Variants in TUBB observed in about 807,000 individuals in gnomAD.
TUBB encodes the protein tubulin beta chain.
Under a neutral mutation model 35.1 loss-of-function variants are expected in TUBB, and 2 were observed. That is an observed-to-expected ratio of 0.06 (90% CI 0.02 to 0.18). The LOEUF (loss-of-function observed/expected upper bound fraction) is 0.18. Ranked by LOEUF, TUBB falls within the 10% of genes least tolerant of loss-of-function variation. TUBB has a pLI of 1.00. For missense variants in TUBB, 50 were observed against 599.4 expected (o/e 0.08, Z 9.57); for synonymous variants, 205 against 223.8 (o/e 0.92, Z 0.75).
chr6:30,721,567 C>T, intron 1 of TUBB: 2 of 985,306 alleles, frequency 2.0e-6, no homozygotes, highest in Non-Finnish European at 2.4e-6. Flanking sequence ...GTCGGCGGCT[C>T]GACCTGCGCG....
rs113155531 is a variant in TUBB at position 30,720,412 on chromosome 6, C to A, written c.-95C>A. ...GCTGCTCCAGCCTCTGGGGCGCATT[C>A]CAACCTTCCAGCCTGCGACCTGCGG... is the stretch of plus-strand genomic sequence containing the variant. On this transcript the variant is annotated 5_prime_UTR_variant, in exon 1 of 4. Transcript: ENST00000327892. 1.9e-5 allele frequency: 24 copies of A among 1,285,096 alleles called. No homozygotes were observed. In the Admixed American group the frequency reaches 3.0e-4, roughly 16 times the overall value. 79.6% of individuals were successfully genotyped at this position (1,285,096 alleles called of 1,614,324 possible).
At chr6:30,723,226 C>T in intron 3 of TUBB, 114 bp from the exon 4 acceptor site, 2 of 1,012,070 alleles carry the variant, frequency 2.0e-6, no homozygotes, top group Non-Finnish European at 1.4e-6. Context: ...GAATATATCA[C>T]AGTGAAGGAG....
chr6:30,723,569 G>A lies in TUBB; in HGVS notation c.507G>A (p.Val169=), dbSNP rs766850052. 6.2e-7 allele frequency: 1 copy of A among 1,614,132 alleles called. No homozygotes were observed. The highest frequency in any genetic ancestry group is 2.2e-5 in the East Asian group (1 of 44,902). Residue 169 remains valine (V), a synonymous_variant, in exon 4 of 4, where the codon GTG becomes GTA. Transcript: ENST00000327892. The part of the protein sequence containing the change: ...YPDRIMNTFS[V]VPSPKVSDTV... ...ATCGCATCATGAATACCTTCAGTGT[G>A]GTGCCTTCACCCAAAGTGTCTGACA...
rs1061142 is a variant in TUBB at position 30,724,442 on chromosome 6, C to T, written c.*45C>T. On this transcript the variant is annotated 3_prime_UTR_variant, in exon 4 of 4. Transcript: ENST00000327892. The surrounding 1 kb of genome is among the most constrained non-coding windows in gnomAD (Gnocchi z 4.4). ...CAGGCTTCTCAGTTCCCTTAGCCGT[C>T]TTACTCAACTGCCCCTTTCCTCTCC... is the stretch of plus-strand genomic sequence containing the variant. 15 of 1,519,880 alleles carry T rather than the reference C, an allele frequency of 9.9e-6. No individual in the cohort carries two copies. Among genetic ancestry groups the T allele is most frequent in the Non-Finnish European group, 1.2e-5 (13 of 1,124,108 alleles). 94.1% of individuals were successfully genotyped at this position (1,519,880 alleles called of 1,614,324 possible). A position where few individuals can be genotyped will look rare whatever the true frequency, so the allele number is the denominator to read the frequency against.
In TUBB at chr6:30,720,396, G is replaced by T; in HGVS notation, c.-111G>T. On this transcript the variant is annotated 5_prime_UTR_variant, in exon 1 of 4. Transcript: ENST00000327892. ...GTCGCGTTTGCACCTCGCTGCTCCA[G>T]CCTCTGGGGCGCATTCCAACCTTCC... 4 of 1,047,990 alleles carry T rather than the reference G, an allele frequency of 3.8e-6. 1 individual carries two copies. The highest frequency in any genetic ancestry group is 3.0e-6 in the Non-Finnish European group (2 of 676,444). The allele number at this position is 1,047,990 out of a possible 1,614,324, so 64.9% of individuals were successfully genotyped here.
Position 30,724,917 on chromosome 6 carries a change from A to G in TUBB, c.*520A>G, listed in dbSNP as rs1051861400. The G allele has an allele frequency of 3.0e-4, 47 of 156,334 alleles. No individual in the cohort carries two copies. Among genetic ancestry groups the G allele is most frequent in the Non-Finnish European group, 6.2e-4 (44 of 70,724 alleles). 9.7% of individuals were successfully genotyped at this position (156,334 alleles called of 1,614,324 possible). On this transcript the variant is annotated 3_prime_UTR_variant, in exon 4 of 4. Transcript: ENST00000327892. This position sits in a 1 kb window ranked among gnomAD's most constrained non-coding sequence, Gnocchi z 4.4. ...TCTAAGTATGTCCATTTCCCATCTCAGCTTCAAGGGAGGTGTCAGCAGTAT... is the reference window on the plus strand; with the variant it reads ...TCTAAGTATGTCCATTTCCCATCTCGGCTTCAAGGGAGGTGTCAGCAGTAT...
At chr6:30,721,603 G>C (rs944236809) in intron 1 of TUBB, 7 of 985,308 alleles carry the variant, frequency 7.1e-6, no homozygotes, top group African/African-American at 3.5e-5. Flanking sequence ...TGGAGGGCGG[G>C]GGGGGTGGTC....
At chr6:30,722,762 T>C in intron 2 of TUBB, 117 bp downstream of exon 2, 1 of 1,154,268 alleles carries the variant, frequency 8.7e-7, no homozygotes, top group Non-Finnish European at 1.2e-6. Flanking sequence ...ATTTTGTCCC[T>C]TTCGTGAACC....
chr6:30,720,676 C>A, intron 1 of TUBB, 113 bp downstream of exon 1: 1 of 912,180 alleles, frequency 1.1e-6, no homozygotes, highest in Non-Finnish European at 1.7e-6. Flanking sequence ...ATTTGCCCCT[C>A]TCAAGTTTGT....
chr6:30,723,293 A>G, intron 3 of TUBB, 47 bp from the exon 4 acceptor site: 2 of 1,421,710 alleles, frequency 1.4e-6, no homozygotes, highest in East Asian at 2.3e-5. Context: ...AACATCATGT[A>G]TCTTCCATAC....
chr6:30,722,367 C>G, intron 1 of TUBB, 170 bp from the exon 2 acceptor site: 1 of 593,810 alleles, frequency 1.7e-6, no homozygotes, highest in South Asian at 2.0e-5. Context: ...CGCTTGAACC[C>G]GGGAAGCAGA....
At chr6:30,721,411 GGCGGGGCCCT>G (rs1466566725) in intron 1 of TUBB, 1 of 237,128 alleles carries the variant, frequency 4.2e-6, no homozygotes, top group Non-Finnish European at 6.9e-6. Context: ...GTAGCAGAAG[GGCGGGGCCCT>G]GCGGGGCGGG....
rs1368105733 is a variant in TUBB at position 30,724,507 on chromosome 6, T to A, written c.*110T>A. 9 of 1,053,624 alleles carry A rather than the reference T, an allele frequency of 8.5e-6. No individual in the cohort carries two copies. The allele number at this position is 1,053,624 out of a possible 1,614,324, so 65.3% of individuals were successfully genotyped here. ...TTGCTGCCTCTATCTTGTTTTTTGT[T>A]TTTTCTTCTGGGGGGGGTCTAGAAC... On this transcript the variant is annotated 3_prime_UTR_variant, in exon 4 of 4. Coordinates refer to ENST00000327892, the MANE Select transcript of TUBB (RefSeq NM_178014.4). This position sits in a 1 kb window ranked among gnomAD's most constrained non-coding sequence, Gnocchi z 4.4.
At chr6:30,721,299 T>C (rs567448408) in intron 1 of TUBB, among the ~76,000 whole-genome samples, 3 of 150,648 alleles carry the variant, frequency 2.0e-5, no homozygotes, top group African/African-American at 7.3e-5. Flanking sequence ...GGTAGAAATG[T>C]AGCGAAGGAA....
chr6:30,720,933 A>AC (rs1427871379), intron 1 of TUBB, among the ~76,000 whole-genome samples: 2 of 152,130 alleles, frequency 1.3e-5, no homozygotes, highest in Non-Finnish European at 2.9e-5. Context: ...ATCCCGCCCA[A>AC]CCCCCCTGCG....
rs1020627067 is a variant in TUBB at position 30,722,854 on chromosome 6, T to G, written c.167-64T>G. On this transcript the variant is annotated intron_variant, in intron 2 of 3. Coordinates refer to ENST00000327892, the MANE Select transcript of TUBB (RefSeq NM_178014.4). ...TCTCTGATCCCTGCTGTCTCCCATT[T>G]CCAGTATATCTATAAACCTTCCCTT... 3 of 1,400,254 alleles carry G rather than the reference T, an allele frequency of 2.1e-6. No individual in the cohort carries two copies. In the Admixed American group the frequency reaches 5.6e-5, roughly 26 times the overall value. The allele number at this position is 1,400,254 out of a possible 1,614,324, so 86.7% of individuals were successfully genotyped here. A position where few individuals can be genotyped will look rare whatever the true frequency, so the allele number is the denominator to read the frequency against.
At chr6:30,721,652 T>G in intron 1 of TUBB, 3 of 985,368 alleles carry the variant, frequency 3.0e-6, no homozygotes, top group Non-Finnish European at 3.6e-6. Context: ...CCCCAGCCTT[T>G]TGTGCGCCGC....
At chr6:30,723,084 G>C (rs1156471893) in intron 3 of TUBB, 56 bp downstream of exon 3, 1 of 1,420,934 alleles carries the variant, frequency 7.0e-7, no homozygotes, top group Non-Finnish European at 9.8e-7. Flanking sequence ...AACTTATTTG[G>C]GTGCAAGGAC....
intron 1 of TUBB, 118 bp downstream of exon 1, chr6:30,720,681 G>A: frequency 1.2e-6 from 1 of 848,996 alleles, no homozygotes; most frequent in South Asian, 1.7e-5. Context: ...CCCCTCTCAA[G>A]TTTGTTACAT....
Sources: allele counts gnomAD v4.1 joint callset (sites outside exome capture counted in the v4.1 genomes callset), GRCh38; gene constraint gnomAD v4.1.1; non-coding constraint Gnocchi (gnomAD v3.1); transcripts MANE v1.5; gene names NCBI Gene and HGNC (gene_info 2026-07-23, HGNC 2026-07-21).